Variants in RUNDC3A observed in about 807,000 individuals in gnomAD.
RUNDC3A encodes RUN domain-containing protein 3A.
In RUNDC3A, 28 loss-of-function variants were observed where a neutral mutation model predicts 53.9. The ratio of observed to expected loss-of-function variants is 0.52; its 90% CI spans 0.38 to 0.71. RUNDC3A has a LOEUF of 0.71. Ranked by LOEUF, RUNDC3A falls within the 30% of genes least tolerant of loss-of-function variation. The probability of loss-of-function intolerance (pLI) is 0.00; values close to 1 mark genes in which losing one functional copy is unlikely to be tolerated. For synonymous variants in RUNDC3A, 232 were observed against 249.4 expected, an observed-to-expected ratio of 0.93 and a Z score of 0.66; for missense variants, 491 against 597.3, an observed-to-expected ratio of 0.82 and a Z score of 1.85.
rs1360940631 is a variant in RUNDC3A, at chr17:44,312,643, G to A, written c.171G>A (p.Glu57=). The change falls in exon 2 of 11, where the codon GAG becomes GAA. Residue 57 remains glutamate, a synonymous_variant. Coordinates refer to ENST00000426726, the MANE Select transcript of RUNDC3A (RefSeq NM_001144825.2). ...AGCCCATCGATGACTCATCGGAGGAGTTTGTCAATTTTGCAGCCATTTTAG... is the reference window on the plus strand; with the variant it reads ...AGCCCATCGATGACTCATCGGAGGAATTTGTCAATTTTGCAGCCATTTTAG... ...TAEPIDDSSE[E]FVNFAAILEQ... is the part of the protein sequence containing the mutation. 6.3e-7 allele frequency: 1 copy of A among 1,587,404 alleles called. No individual in the cohort carries two copies. Among genetic ancestry groups the A allele is most frequent in the Non-Finnish European group, 8.6e-7 (1 of 1,167,298 alleles).
intron 4 of RUNDC3A, chr17:44,313,830 C>T (rs764132160): frequency 1.3e-4 from 96 of 732,376 alleles, no homozygotes; most frequent in East Asian, 1.7e-4. Context: ...TACAGGCATA[C>T]GCCACCATGC....
intron 10 of RUNDC3A, 83 bp from the exon 11 acceptor site, chr17:44,318,013 G>A (rs1428474914): frequency 7.2e-7 from 1 of 1,398,006 alleles, no homozygotes; most frequent in East Asian, 2.5e-5. Flanking sequence ...GTGACTTGAG[G>A]GCTGCCCCTT....
intron 10 of RUNDC3A, 33 bp from the exon 11 acceptor site, chr17:44,318,063 G>T: frequency 6.5e-7 from 1 of 1,546,252 alleles, no homozygotes; most frequent in Non-Finnish European, 8.7e-7. Context: ...CATGTAGACT[G>T]GTCGCTTGGC....
chr17:44,310,843 C>T, intron 1 of RUNDC3A: 1 of 985,514 alleles, frequency 1.0e-6, no homozygotes, highest in Non-Finnish European at 1.2e-6. Flanking sequence ...GGAAATCAAG[C>T]TGGCAGGAGG....
intron 1 of RUNDC3A, chr17:44,310,593 C>T: frequency 1.9e-6 from 1 of 516,646 alleles, no homozygotes; most frequent in Non-Finnish European, 2.5e-6. Context: ...TCATCACTGT[C>T]ACATGGTTTG....
In RUNDC3A at chr17:44,310,442, G is replaced by T. The variant is rs111328633; in HGVS notation, c.107+1503G>T. Reference sequence around the variant, plus strand: ...GCTGAGCCTCTTGAGTACATGGGGGGAATGAGGGAACTCTCCTTGACATAG... The same window carrying T: ...GCTGAGCCTCTTGAGTACATGGGGGTAATGAGGGAACTCTCCTTGACATAG... On this transcript the variant is annotated intron_variant, in intron 1 of 10. Coordinates refer to ENST00000426726, the MANE Select transcript of RUNDC3A (RefSeq NM_001144825.2). Among the ~76,000 whole-genome samples, 746 of 152,342 alleles carry T rather than the reference G, an allele frequency of 4.9e-3. 2 individuals carry two copies. Among genetic ancestry groups the T allele is most frequent in the Non-Finnish European group, 9.3e-3 (631 of 68,034 alleles).
chr17:44,313,045 T>C, intron 2 of RUNDC3A, 59 bp from the exon 3 acceptor site: 2 of 1,590,542 alleles, frequency 1.3e-6, no homozygotes, highest in Non-Finnish European at 1.7e-6. Flanking sequence ...AGTGCCTCAC[T>C]ACATGGACCC....
intron 4 of RUNDC3A, 152 bp downstream of exon 4, chr17:44,313,655 G>A (rs907155663): frequency 1.5e-5 from 20 of 1,374,890 alleles, no homozygotes; most frequent in Non-Finnish European, 1.8e-5. Flanking sequence ...CTTCCAGCCT[G>A]GCCTGCAGTC....
chr17:44,316,504 A>T lies in RUNDC3A; in HGVS notation c.1073A>T (p.Asn358Ile). ...GTLNGAEGASNSKLYRRHSFM... is the reference protein window; with the variant it reads ...GTLNGAEGASISKLYRRHSFM... ...CTTAATGGGGCCGAGGGCGCCAGCA[A>T]CTCCAAGCTCTACCGGAGGTAAGCC... Residue 358 changes from asparagine (N) to isoleucine (I), a missense_variant, in exon 9 of 11, where the codon AAC becomes ATC. Transcript: ENST00000426726. The T allele has an allele frequency of 1.2e-6, 2 of 1,612,722 alleles. No homozygotes were observed. The highest frequency in any genetic ancestry group is 1.7e-6 in the Non-Finnish European group (2 of 1,179,552).
rs1475012680 is a variant in RUNDC3A, at chr17:44,313,477, G to A, written c.432G>A (p.Thr144=). Residue 144 remains threonine, a synonymous_variant, in exon 4 of 11, where the codon ACG becomes ACA. Coordinates refer to ENST00000426726, the MANE Select transcript of RUNDC3A (RefSeq NM_001144825.2). The part of the protein sequence containing the change: ...MEKRMSEYIT[T]ALRDTRTTRR... ...AGCGCATGTCAGAATACATCACCACGGCTCTGCGTGACACCCGGACCACCA... is the reference window on the plus strand; with the variant it reads ...AGCGCATGTCAGAATACATCACCACAGCTCTGCGTGACACCCGGACCACCA... 9.3e-6 allele frequency: 15 copies of A among 1,612,076 alleles called. No homozygotes were observed. The highest frequency in any genetic ancestry group is 4.4e-5 in the South Asian group (4 of 91,044).
Position 44,315,570 on chromosome 17 carries a change from G to A in RUNDC3A, c.914G>A (p.Arg305Gln). 3 of 1,511,688 alleles carry A rather than the reference G, an allele frequency of 2.0e-6. No individual in the cohort carries two copies. Among genetic ancestry groups the A allele is most frequent in the Non-Finnish European group, 2.7e-6 (3 of 1,129,882 alleles). 93.6% of individuals were successfully genotyped at this position (1,511,688 alleles called of 1,614,324 possible). The stretch of plus-strand genomic sequence containing the variant: ...GCGGCGCAGAACCAGCGCGAGAAAC[G>A]GGAGCTGGAAGGCGTGATCCTGGAG... ...EAAAQNQREK[R>Q]ELEGVILELQ... Residue 305 changes from arginine to glutamine, a missense_variant, in exon 8 of 11, where the codon CGG becomes CAG. By Grantham distance (43) the Arg-to-Gln change is conservative. Coordinates refer to ENST00000426726, the MANE Select transcript of RUNDC3A (RefSeq NM_001144825.2). The surrounding 1 kb of genome is among the most constrained non-coding windows in gnomAD (Gnocchi z 6.1).
Position 44,316,534 on chromosome 17 carries a change from C to T in RUNDC3A, c.1091+12C>T, listed in dbSNP as rs1305333245. The T allele has an allele frequency of 6.2e-7, 1 of 1,609,300 alleles. No homozygotes were observed. Among genetic ancestry groups the T allele is most frequent in the Non-Finnish European group, 8.5e-7 (1 of 1,178,046 alleles). ...AAGCTCTACCGGAGGTAAGCCCCAG[C>T]CAGGTGGGGCTTGGGCCTGAGAGCG... On this transcript the variant is annotated intron_variant, in intron 9 of 10. Transcript: ENST00000426726.
rs1567854047 is a variant in RUNDC3A, at chr17:44,313,372, CAT to C, written c.373-45_373-44del. 4 of 1,612,968 alleles carry C rather than the reference CAT, an allele frequency of 2.5e-6. No homozygotes were observed. The Admixed American group carries it at 5.0e-5, about 20-fold the overall frequency. On this transcript the variant is annotated intron_variant, in intron 3 of 10. Coordinates refer to ENST00000426726, the MANE Select transcript of RUNDC3A (RefSeq NM_001144825.2). The stretch of plus-strand genomic sequence containing the variant: ...AAGGGCCCACACCTGATGCTGGACA[CAT>C]GAGTCCCTCTGGGGCAGCAAGTAAA...
In RUNDC3A at chr17:44,318,504, C is replaced by T. The variant is rs1940130572; in HGVS notation, c.*266C>T. ...AAGCCTGCTCCATTCTTCTGGTGAC[C>T]TTGGCGCTCCTTCACTCATCTCCCC... On this transcript the variant is annotated 3_prime_UTR_variant, in exon 11 of 11. Coordinates refer to ENST00000426726, the MANE Select transcript of RUNDC3A (RefSeq NM_001144825.2). 2 of 479,958 alleles carry T rather than the reference C, an allele frequency of 4.2e-6. No individual in the cohort carries two copies. Among genetic ancestry groups the T allele is most frequent in the African/African-American group, 3.9e-5 (2 of 51,774 alleles). The allele number at this position is 479,958 out of a possible 1,614,324, so 29.7% of individuals were successfully genotyped here.
chr17:44,315,324 C>G lies in RUNDC3A; in HGVS notation c.795+4C>G. The G allele has an allele frequency of 7.4e-7, 1 of 1,356,710 alleles. No individual in the cohort carries two copies. The highest frequency in any genetic ancestry group is 9.6e-7 in the Non-Finnish European group (1 of 1,039,064). The allele number at this position is 1,356,710 out of a possible 1,614,324, so 84.0% of individuals were successfully genotyped here. A position where few individuals can be genotyped will look rare whatever the true frequency, so the allele number is the denominator to read the frequency against. On this transcript the variant is annotated splice_donor_region_variant and intron_variant, in intron 7 of 10. Coordinates refer to ENST00000426726, the MANE Select transcript of RUNDC3A (RefSeq NM_001144825.2). This position sits in a 1 kb window ranked among gnomAD's most constrained non-coding sequence, Gnocchi z 6.1. Reference sequence around the variant, plus strand: ...CCGCATCGTCTACGCGCAGAAGGTGCGCGACGCCGGCGGGCCCGGGGGGCG... The same window carrying G: ...CCGCATCGTCTACGCGCAGAAGGTGGGCGACGCCGGCGGGCCCGGGGGGCG...
chr17:44,314,679 G>GGGC (rs2047818831), intron 4 of RUNDC3A, 56 bp from the exon 5 acceptor site: 1 of 1,308,314 alleles, frequency 7.6e-7, no homozygotes, highest in Non-Finnish European at 1.0e-6. Context: ...AGCTCTGGGG[G>GGGC]GGGGGGGGGC....
chr17:44,310,892 G>T (rs2047736504), intron 1 of RUNDC3A: 2 of 985,502 alleles, frequency 2.0e-6, no homozygotes, highest in South Asian at 9.4e-5. Context: ...CCAAACACAG[G>T]CTGGCTCTCA....
chr17:44,313,032 G>A lies in RUNDC3A; in HGVS notation c.224-72G>A. On this transcript the variant is annotated intron_variant, in intron 2 of 10. Transcript: ENST00000426726. ...GAGGAGGCTGCTTATGCTTATGCAT[G>A]TGAGTGCCTCACTACATGGACCCTC... 3.3e-6 allele frequency: 5 copies of A among 1,531,934 alleles called. No homozygotes were observed. The East Asian group carries it at 9.1e-5, about 28-fold the overall frequency. 94.9% of individuals were successfully genotyped at this position (1,531,934 alleles called of 1,614,324 possible). A position where few individuals can be genotyped will look rare whatever the true frequency, so the allele number is the denominator to read the frequency against.
rs1264208807 is a variant in RUNDC3A, at chr17:44,308,632, C to T, written c.-201C>T. ...GCTCAGCACCTCGGAGAGCTCCCTC[C>T]CCGGCCTTGTTTTGCTCTGGCATCG... On this transcript the variant is annotated 5_prime_UTR_variant, in exon 1 of 11. Transcript: ENST00000426726. 17 of 459,770 alleles carry T rather than the reference C, an allele frequency of 3.7e-5. 1 individual carries two copies. In the South Asian group the frequency reaches 3.8e-4, roughly 10 times the overall value. The allele number at this position is 459,770 out of a possible 1,614,324, so 28.5% of individuals were successfully genotyped here. A position where few individuals can be genotyped will look rare whatever the true frequency, so the allele number is the denominator to read the frequency against.
Sources: allele counts gnomAD v4.1 joint callset (sites outside exome capture counted in the v4.1 genomes callset), GRCh38; gene constraint gnomAD v4.1.1; non-coding constraint Gnocchi (gnomAD v3.1); transcripts MANE v1.5; gene names NCBI Gene and HGNC (gene_info 2026-07-23, HGNC 2026-07-21).